Variants in PVT1 observed in about 807,000 individuals in gnomAD.
PVT1 encodes the protein CXCR4/PVT1 fusion.
chr8:128,092,358 C>A (rs1814367642), intron 5 of PVT1, among the ~76,000 whole-genome samples: 2 of 152,212 alleles, frequency 1.3e-5, no homozygotes, highest in Admixed American at 6.5e-5. Context: ...TGGGCAGGGG[C>A]CTCAGGCCTT....
intron 3 of PVT1, among the ~76,000 whole-genome samples, chr8:127,966,908 G>A (rs369538366): frequency 2.8e-4 from 42 of 152,234 alleles, no homozygotes; most frequent in African/African-American, 9.9e-4. Flanking sequence ...TTCCCTTGAT[G>A]TGCCGAGACT....
chr8:127,868,159 T>TAG (rs1375421717), intron 2 of PVT1, among the ~76,000 whole-genome samples: 1 of 152,234 alleles, frequency 6.6e-6, no homozygotes, highest in Admixed American at 6.5e-5. Flanking sequence ...AATTTAATCC[T>TAG]AGAGCAGTTC....
rs1261125639 is a variant in PVT1 at position 127,898,619 on chromosome 8, G to C, written n.782+7621G>C. On this transcript the variant is annotated intron_variant and non_coding_transcript_variant, in intron 3 of 10. Transcript: ENST00000651587. This position sits in a 1 kb window ranked among gnomAD's most constrained non-coding sequence, Gnocchi z 4.4. ...ACCATGGCCCATTGCTGAGACTCTG[G>C]GCCTCAGGGTGGCCTTGGCTGGAAC... is the stretch of plus-strand genomic sequence containing the variant. Among the ~76,000 whole-genome samples the C allele has an allele frequency of 2.0e-5, 3 of 152,166 alleles. No homozygotes were observed. The highest frequency in any genetic ancestry group is 4.4e-5 in the Non-Finnish European group (3 of 68,028).
intron 4 of PVT1, among the ~76,000 whole-genome samples, chr8:127,994,070 C>T (rs1256003825): frequency 1.3e-5 from 2 of 152,174 alleles, no homozygotes; most frequent in Admixed American, 6.5e-5. Flanking sequence ...CTTAAACCTG[C>T]CCTGTGCCTG....
At chr8:127,932,722 TATA>T in intron 3 of PVT1, 1 of 381,804 alleles carries the variant, frequency 2.6e-6, no homozygotes. Context: ...ATTTCTATCT[TATA>T]ATACACATTT....
chr8:128,053,997 G>C (rs1011595915), intron 4 of PVT1, among the ~76,000 whole-genome samples: 1 of 152,218 alleles, frequency 6.6e-6, no homozygotes, highest in Non-Finnish European at 1.5e-5. Context: ...TGCCTTTAGT[G>C]GGGACAAAAA....
At chr8:127,895,306 A>G (rs1815661729) in intron 3 of PVT1, among the ~76,000 whole-genome samples, 1 of 152,138 alleles carries the variant, frequency 6.6e-6, no homozygotes, top group Non-Finnish European at 1.5e-5. Flanking sequence ...CCCCATCACT[A>G]CTAAAAATAG....
chr8:127,811,009 G>C (rs1432128706), intron 2 of PVT1, among the ~76,000 whole-genome samples: 1 of 152,088 alleles, frequency 6.6e-6, no homozygotes, highest in Admixed American at 6.5e-5. Flanking sequence ...AGCTGTTTAG[G>C]AGGATGAGTA....
At chr8:127,880,618 C>T (rs1360173813) in intron 2 of PVT1, among the ~76,000 whole-genome samples, 5 of 90,034 alleles carry the variant, frequency 5.6e-5, no homozygotes, top group South Asian at 4.1e-4. Context: ...TTTTTTTTTC[C>T]GAGATGGAGT....
chr8:127,897,695 A>T (rs2129817355), intron 3 of PVT1, among the ~76,000 whole-genome samples: 1 of 151,556 alleles, frequency 6.6e-6, no homozygotes, highest in South Asian at 2.1e-4. Context: ...AAAGGAAGGA[A>T]GGAAAGAAGG....
rs117053617 is a variant in PVT1, at chr8:127,975,588, C to G, written n.783-13574C>G. Among the ~76,000 whole-genome samples the G allele has an allele frequency of 1.9e-4, 29 of 152,294 alleles. No homozygotes were observed. In the East Asian group the frequency reaches 4.6e-3, roughly 24 times the overall value. On this transcript the variant is annotated intron_variant and non_coding_transcript_variant, in intron 3 of 10. Coordinates refer to ENST00000651587, the Ensembl canonical transcript of PVT1. ...TTTGTATGAAATTCAGCTTAGCACA[C>G]TGGCCCCTGAGTTTGAAGGCTGAGA...
chr8:128,044,485 TACTC>T (rs374384277), intron 4 of PVT1, among the ~76,000 whole-genome samples: 75 of 152,310 alleles, frequency 4.9e-4, no homozygotes, highest in African/African-American at 1.7e-3. Flanking sequence ...TAAAGTAACT[TACTC>T]AAAATCACCC....
intron 3 of PVT1, among the ~76,000 whole-genome samples, chr8:127,949,963 A>G (rs1462070877): frequency 6.6e-6 from 1 of 152,210 alleles, no homozygotes; most frequent in East Asian, 1.9e-4. Context: ...CTTCCAGCTG[A>G]GGCTGTCCCC....
At chr8:127,888,310 G>T (rs1222841437) in intron 2 of PVT1, among the ~76,000 whole-genome samples, 1 of 152,206 alleles carries the variant, frequency 6.6e-6, no homozygotes, top group Admixed American at 6.5e-5. Context: ...CGCTGCAAGT[G>T]TGTGTGGCTC....
At position 127,871,797 on chromosome 8, in the gene PVT1, A is replaced by G. The variant is rs575227502; in HGVS notation, n.373-18792A>G. ...GTCCACAATAATATATTGTACATTT[A>G]AAAATAACTGGCTGAGCGCAGTGGC... On this transcript the variant is annotated intron_variant and non_coding_transcript_variant, in intron 2 of 10. Coordinates refer to ENST00000651587, the Ensembl canonical transcript of PVT1. 9.9e-4 allele frequency among the ~76,000 whole-genome samples: 151 copies of G among 152,356 alleles called. 1 individual carries two copies. The highest frequency in any genetic ancestry group is 3.4e-3 in the African/African-American group (140 of 41,580).
At chr8:127,891,611 AGTAGACAT>A (rs1815603497) in intron 3 of PVT1, among the ~76,000 whole-genome samples, 2 of 152,246 alleles carry the variant, frequency 1.3e-5, no homozygotes, top group Non-Finnish European at 2.9e-5. Flanking sequence ...AAGATCGCCA[AGTAGACAT>A]TGAAATGCTG....
intron 4 of PVT1, among the ~76,000 whole-genome samples, chr8:128,001,927 C>G (rs950257542): frequency 6.6e-6 from 1 of 152,126 alleles, no homozygotes; most frequent in South Asian, 2.1e-4. Context: ...CCTCCCAAAG[C>G]CCCTACCTCC....
At chr8:127,927,564 C>A (rs1463654424) in intron 3 of PVT1, among the ~76,000 whole-genome samples, 1 of 152,112 alleles carries the variant, frequency 6.6e-6, no homozygotes, top group Non-Finnish European at 1.5e-5. Context: ...ATCTGTGGGG[C>A]CTGTCTTCTT....
chr8:128,018,020 C>T (rs562179927), intron 4 of PVT1, among the ~76,000 whole-genome samples: 7 of 152,270 alleles, frequency 4.6e-5, no homozygotes, highest in Admixed American at 1.3e-4. Flanking sequence ...AATCCTGTTG[C>T]GCATACGCAC....
Sources: gnomAD v4.1 joint callset for allele counts (sites outside exome capture counted in the v4.1 genomes callset) on GRCh38, gnomAD v4.1.1 for gene constraint, Gnocchi (gnomAD v3.1) non-coding constraint, MANE v1.5 for transcripts, NCBI Gene and HGNC (gene_info 2026-07-23, HGNC 2026-07-21) for gene names.